LRCH1: variants seen among roughly 807,000 people sequenced by gnomAD.
LRCH1 encodes the protein leucine-rich repeat and calponin homology domain-containing protein 1.
Under a neutral mutation model 94.9 loss-of-function variants are expected in LRCH1, and 23 were observed. The observed-to-expected ratio is 0.24, with a 90% CI of 0.17 to 0.34. LRCH1 has a LOEUF of 0.34. Ranked by LOEUF, LRCH1 falls within the 10% of genes least tolerant of loss-of-function variation. The pLI is 1.00. For synonymous variants in LRCH1, 364 were observed against 354.9 expected (o/e 1.03, Z -0.29); for missense variants, 790 against 945.9 (o/e 0.84, Z 2.16).
chr13:46,727,449 T>A (rs1872877472), intron 17 of LRCH1, among the ~76,000 whole-genome samples: 1 of 152,020 alleles, frequency 6.6e-6, no homozygotes, highest in African/African-American at 2.4e-5. Context: ...GAAAGGAGAA[T>A]GGGAGCAAGG....
downstream of LRCH1, among the ~76,000 whole-genome samples, chr13:46,746,498 T>C (rs1203904914): frequency 6.6e-6 from 1 of 152,192 alleles, no homozygotes; most frequent in Non-Finnish European, 1.5e-5. Context: ...TGCAGGAGAC[T>C]ACTTCATGAC....
intron 1 of LRCH1, among the ~76,000 whole-genome samples, chr13:46,607,239 C>T (rs555205924): frequency 2.0e-5 from 3 of 152,306 alleles, no homozygotes; most frequent in South Asian, 4.2e-4. Context: ...TAGCCAAATA[C>T]AGATTCGGAG....
Position 46,694,888 on chromosome 13 carries a change from A to G in LRCH1, c.1121-5A>G. 1 of 1,613,914 alleles carries G rather than the reference A, an allele frequency of 6.2e-7. No homozygotes were observed. Among genetic ancestry groups the G allele is most frequent in the Non-Finnish European group, 8.5e-7 (1 of 1,179,878 alleles). On this transcript the variant is annotated splice_polypyrimidine_tract_variant and splice_region_variant and intron_variant, in intron 8 of 19. Coordinates refer to ENST00000389797, the MANE Select transcript of LRCH1 (RefSeq NM_001164211.2). ...GCTTTCCATCTCTCTATATTTTCCT[A>G]ATAGGGGAATTTCATCAGGAATTTC...
At chr13:46,591,298 G>A (rs2050496841) in intron 1 of LRCH1, among the ~76,000 whole-genome samples, 1 of 152,054 alleles carries the variant, frequency 6.6e-6, no homozygotes, top group African/African-American at 2.4e-5. Flanking sequence ...ATATATATGT[G>A]TTACTCATTT....
At chr13:46,626,699 G>T (rs537087075) in intron 1 of LRCH1, among the ~76,000 whole-genome samples, 1 of 152,304 alleles carries the variant, frequency 6.6e-6, no homozygotes. Context: ...TCACATGGAC[G>T]TGCATGAAAG....
intron 1 of LRCH1, among the ~76,000 whole-genome samples, chr13:46,564,000 G>C (rs988797047): frequency 6.6e-6 from 1 of 151,916 alleles, no homozygotes; most frequent in African/African-American, 2.4e-5. Flanking sequence ...CCAGGTTGTG[G>C]GCCTCCCAAA....
chr13:46,689,661 GA>G (rs1870798965), intron 7 of LRCH1, among the ~76,000 whole-genome samples: 1 of 152,140 alleles, frequency 6.6e-6, no homozygotes, highest in Non-Finnish European at 1.5e-5. Context: ...ATGCATTTAT[GA>G]GTAGCTATAG....
intron 1 of LRCH1, among the ~76,000 whole-genome samples, chr13:46,579,463 C>CCT (rs2050341390): frequency 6.8e-6 from 1 of 146,730 alleles, no homozygotes; most frequent in African/African-American, 2.5e-5. Context: ...AATTTCTTTT[C>CCT]TTTTTTTTTT....
chr13:46,731,325 C>T (rs908935501), intron 18 of LRCH1, among the ~76,000 whole-genome samples: 1 of 152,094 alleles, frequency 6.6e-6, no homozygotes, highest in African/African-American at 2.4e-5. Flanking sequence ...GCACCCTCTG[C>T]CCCCAGGGTT....
chr13:46,604,349 G>A (rs372876212), intron 1 of LRCH1, among the ~76,000 whole-genome samples: 31 of 152,244 alleles, frequency 2.0e-4, no homozygotes, highest in African/African-American at 6.0e-4. Context: ...GTGGGTGACC[G>A]AGGTGGCTGC....
chr13:46,561,411 C>T (rs1382331013), intron 1 of LRCH1, among the ~76,000 whole-genome samples: 1 of 152,202 alleles, frequency 6.6e-6, no homozygotes, highest in Non-Finnish European at 1.5e-5. Context: ...CTTGAATTTC[C>T]TTTCCACTGT....
At chr13:46,726,887 G>C (rs4415925) in intron 17 of LRCH1, among the ~76,000 whole-genome samples, 104,301 of 135,036 alleles carry the variant, frequency 0.77, 41,089 homozygotes, top group Non-Finnish European at 0.85. Flanking sequence ...AAAAAAAAAG[G>C]CAACTAAAAC....
At chr13:46,642,955 T>C (rs1820848343) in intron 1 of LRCH1, among the ~76,000 whole-genome samples, 1 of 152,160 alleles carries the variant, frequency 6.6e-6, no homozygotes. Context: ...GCCAACAAGA[T>C]TGAGAAACAA....
At chr13:46,647,112 C>CAA (rs61648661) in intron 1 of LRCH1, among the ~76,000 whole-genome samples, 1 of 84,458 alleles carries the variant, frequency 1.2e-5, no homozygotes, top group Non-Finnish European at 2.5e-5. Context: ...GACTCCAACT[C>CAA]AAAAAAAAAA....
intron 16 of LRCH1, among the ~76,000 whole-genome samples, chr13:46,718,391 T>C (rs2138210504): frequency 6.6e-6 from 1 of 152,330 alleles, no homozygotes; most frequent in Admixed American, 6.5e-5. Flanking sequence ...TATAAGAGGC[T>C]TTTTAGTGGC....
intron 1 of LRCH1, among the ~76,000 whole-genome samples, chr13:46,606,836 A>G (rs2137994014): frequency 1.3e-5 from 2 of 152,240 alleles, no homozygotes; most frequent in South Asian, 4.1e-4. Flanking sequence ...CTGGTGTGCT[A>G]GGATTACAGG....
intron 1 of LRCH1, among the ~76,000 whole-genome samples, chr13:46,620,879 TATC>T (rs2050871806): frequency 6.6e-6 from 1 of 152,244 alleles, no homozygotes; most frequent in Non-Finnish European, 1.5e-5. Context: ...ATGGGGGACA[TATC>T]ATTACCTTTC....
downstream of LRCH1, among the ~76,000 whole-genome samples, chr13:46,748,601 A>C (rs1420196623): frequency 6.6e-6 from 1 of 152,196 alleles, no homozygotes; most frequent in Admixed American, 6.5e-5. Flanking sequence ...ACCATGCCGC[A>C]AAAGGAGGCA....
Position 46,657,500 on chromosome 13 carries a change from C to CTTTTT in LRCH1, c.452+7193_452+7197dup, listed in dbSNP as rs67588975. ...TCATTTTTACTTTTTCTTTTCTTTT[C>CTTTTT]TTTTTTTTTTTTTTTTTTTTTTTTT... On this transcript the variant is annotated intron_variant, in intron 2 of 19. Transcript: ENST00000389797. 4.4e-3 allele frequency among the ~76,000 whole-genome samples: 50 copies of CTTTTT among 11,368 alleles called. 2 individuals are homozygous for CTTTTT. Among genetic ancestry groups the CTTTTT allele is most frequent in the Non-Finnish European group, 6.7e-3 (41 of 6,124 alleles). The allele number at this position is 11,368 out of a possible 152,430, so 7.5% of individuals were successfully genotyped here.
Sources: gnomAD v4.1 joint callset for allele counts (sites outside exome capture counted in the v4.1 genomes callset) on GRCh38, gnomAD v4.1.1 for gene constraint, MANE v1.5 for transcripts, NCBI Gene and HGNC (gene_info 2026-07-23, HGNC 2026-07-21) for gene names.